The following DNAI3 variants were observed in gnomAD, a reference collection of about 807,000 sequenced individuals.
The protein encoded by DNAI3 is dynein axonemal intermediate chain 3.
Under a neutral mutation model 115.5 loss-of-function variants are expected in DNAI3, and 83 were observed. The observed-to-expected ratio is 0.72, with a 90% confidence interval of 0.60 to 0.86. DNAI3 has a LOEUF of 0.86. Among genes scored for constraint, DNAI3 ranks in the 40% least tolerant of loss-of-function variants. The probability of loss-of-function intolerance (pLI) is 0.00; values close to 1 mark genes in which losing one functional copy is unlikely to be tolerated. For missense variants in DNAI3, 1,004 were observed against 1,075.8 expected (o/e 0.93, Z 0.93); for synonymous variants, 320 against 347.0 (o/e 0.92, Z 0.86).
At chr1:85,075,168 C>G (rs1447471897) in intron 3 of DNAI3, among the ~76,000 whole-genome samples, 2 of 152,128 alleles carry the variant, frequency 1.3e-5, no homozygotes, top group Non-Finnish European at 2.9e-5. Flanking sequence ...GCTGGGATTA[C>G]AGGTGTGAGC....
At chr1:85,094,089 G>C (rs979793356) in intron 9 of DNAI3, 2 of 406,244 alleles carry the variant, frequency 4.9e-6, no homozygotes, top group Admixed American at 3.5e-5. Context: ...AACATGGAAA[G>C]AGAGAGGTAT....
intron 8 of DNAI3, among the ~76,000 whole-genome samples, chr1:85,092,341 AT>A (rs1174531320): frequency 1.3e-5 from 2 of 152,154 alleles, no homozygotes; most frequent in Non-Finnish European, 2.9e-5. Context: ...CCTTTTTTAT[AT>A]TTTAGGAGTA....
intron 5 of DNAI3, among the ~76,000 whole-genome samples, chr1:85,083,974 A>G (rs1654709111): frequency 1.3e-5 from 2 of 151,926 alleles, no homozygotes; most frequent in South Asian, 4.1e-4. Context: ...ACCAAATTAT[A>G]AAATTCTAGG....
At chr1:85,110,180 G>A (rs776189465) in intron 16 of DNAI3, 45 bp downstream of exon 16, 6 of 1,534,996 alleles carry the variant, frequency 3.9e-6, no homozygotes, top group Admixed American at 3.5e-5. Context: ...GGCCGGGCGC[G>A]GTGGCTCACG....
intron 18 of DNAI3, among the ~76,000 whole-genome samples, chr1:85,123,750 C>T (rs562770489): frequency 6.6e-6 from 1 of 152,322 alleles, no homozygotes; most frequent in African/African-American, 2.4e-5. Context: ...GGACTGTAAG[C>T]TCCTTGGGGG....
At chr1:85,090,580 G>A (rs574246355) in intron 8 of DNAI3, among the ~76,000 whole-genome samples, 2 of 152,190 alleles carry the variant, frequency 1.3e-5, no homozygotes, top group African/African-American at 2.4e-5. Flanking sequence ...TTTATAGGAT[G>A]AGGAGAATGC....
chr1:85,102,575 T>C (rs1221593028), intron 13 of DNAI3, among the ~76,000 whole-genome samples: 19 of 152,208 alleles, frequency 1.2e-4, no homozygotes, highest in Admixed American at 1.2e-3. Flanking sequence ...ATGTGATTAA[T>C]ATGTTAAAAA....
rs1365049335 is a variant in DNAI3, at chr1:85,129,300, T to C, written c.2409+501T>C. ...AATAATGAGGCTTTAAAAAGATCAATGAATAGAAATATATAAATGTATATA... is the reference window on the plus strand; with the variant it reads ...AATAATGAGGCTTTAAAAAGATCAACGAATAGAAATATATAAATGTATATA... On this transcript the variant is annotated intron_variant, in intron 21 of 22. Coordinates refer to ENST00000294664, the MANE Select transcript of DNAI3 (RefSeq NM_145172.5). 2.6e-5 allele frequency among the ~76,000 whole-genome samples: 4 copies of C among 152,256 alleles called. No homozygotes were observed. The East Asian group carries it at 7.7e-4, about 29-fold the overall frequency.
At chr1:85,114,733 A>G (rs1382553974) in intron 16 of DNAI3, among the ~76,000 whole-genome samples, 2 of 152,204 alleles carry the variant, frequency 1.3e-5, no homozygotes, top group Non-Finnish European at 2.9e-5. Context: ...GTTCTTGATC[A>G]CATTTTGATT....
intron 19 of DNAI3, among the ~76,000 whole-genome samples, chr1:85,125,825 CT>C (rs1249434537): frequency 1.3e-5 from 2 of 152,202 alleles, no homozygotes; most frequent in Non-Finnish European, 2.9e-5. Context: ...AGGAGCACCC[CT>C]GGTCAGTAGA....
intron 13 of DNAI3, among the ~76,000 whole-genome samples, chr1:85,099,691 C>T (rs528529397): frequency 8.3e-4 from 127 of 152,204 alleles, no homozygotes; most frequent in African/African-American, 1.9e-3. Context: ...AGAACAAAGC[C>T]GGAGGCATCA....
chr1:85,065,920 C>A (rs1470506291), intron 1 of DNAI3, among the ~76,000 whole-genome samples: 3 of 152,174 alleles, frequency 2.0e-5, no homozygotes, highest in Non-Finnish European at 4.4e-5. Flanking sequence ...AGTTTGGAAG[C>A]AGATCGTAGA....
intron 5 of DNAI3, 128 bp from the exon 6 acceptor site, chr1:85,084,418 A>C: frequency 1.6e-6 from 1 of 631,290 alleles, no homozygotes; most frequent in Non-Finnish European, 2.2e-6. Context: ...GTGAATTGAC[A>C]AAAAAAAGTA....
rs1201235176 is a variant in DNAI3, at chr1:85,126,518, C to T, written c.2120C>T (p.Pro707Leu). ...AIWKEGVMTGPLLQSCCAPKR... is the reference protein window; with the variant it reads ...AIWKEGVMTGLLLQSCCAPKR... The stretch of plus-strand genomic sequence containing the variant: ...TTAAAAATTTGTTTAAAGACTGGAC[C>T]GCTCCTTCAGTCATGCTGTGCACCA... The change falls in exon 20 of 23, where the codon CCG becomes CTG. Residue 707 changes from proline (P) to leucine (L), a missense_variant. Physicochemically the swap from Pro to Leu is moderately conservative, Grantham distance 98. Around this residue, in one of 3 missense-constraint regions of DNAI3, gnomAD observed 429 missense variants for 454.3 expected, o/e 0.94. Transcript: ENST00000294664. 7 of 1,612,696 alleles carry T rather than the reference C, an allele frequency of 4.3e-6. No individual in the cohort carries two copies. The highest frequency in any genetic ancestry group is 2.2e-5 in the East Asian group (1 of 44,826).
intron 19 of DNAI3, 91 bp downstream of exon 19, chr1:85,124,342 C>A: frequency 6.4e-7 from 1 of 1,567,384 alleles, no homozygotes; most frequent in South Asian, 1.1e-5. Context: ...ATAATAGTGC[C>A]TTTGGGACAC....
At chr1:85,099,017 C>G (rs1655207926) in intron 13 of DNAI3, among the ~76,000 whole-genome samples, 1 of 152,100 alleles carries the variant, frequency 6.6e-6, no homozygotes, top group Non-Finnish European at 1.5e-5. Flanking sequence ...GAAGGGAACC[C>G]TAAAGATCTG....
intron 1 of DNAI3, among the ~76,000 whole-genome samples, chr1:85,066,308 G>A (rs1654093027): frequency 8.0e-6 from 1 of 125,714 alleles, no homozygotes; most frequent in Non-Finnish European, 1.6e-5. Flanking sequence ...TATCTCTTCT[G>A]CTACTCTTTT....
intron 16 of DNAI3, among the ~76,000 whole-genome samples, chr1:85,110,683 T>C (rs1655632637): frequency 6.6e-6 from 1 of 152,092 alleles, no homozygotes; most frequent in Non-Finnish European, 1.5e-5. Flanking sequence ...AAAATATTTA[T>C]TGAGCACATT....
rs188242195 is a variant in DNAI3, at chr1:85,100,308, C to T, written c.1479+1650C>T. ...ACAAACAACCCCATCAAAAAGTGGA[C>T]GAAGGATATGAACAGACACTTCTCA... On this transcript the variant is annotated intron_variant, in intron 13 of 22. Transcript: ENST00000294664. Among the ~76,000 whole-genome samples, 119 of 152,188 alleles carry T rather than the reference C, an allele frequency of 7.8e-4. 1 individual carries two copies. The highest frequency in any genetic ancestry group is 4.1e-3 in the South Asian group (20 of 4,826).
Sources: gnomAD v4.1 joint callset for allele counts (sites outside exome capture counted in the v4.1 genomes callset) on GRCh38, gnomAD v4.1.1 for gene constraint, gnomAD v4.1.1 regional missense constraint, MANE v1.5 for transcripts, NCBI Gene and HGNC (gene_info 2026-07-23, HGNC 2026-07-21) for gene names.